The following EYS variants were observed in gnomAD, a reference collection of about 807,000 sequenced individuals.
EYS encodes the protein EGF-like photoreceptor maintenance factor.
A neutral mutation model predicts 282.1 loss-of-function variants in EYS; 250 were observed. The ratio of observed to expected loss-of-function variants is 0.89; its 90% CI spans 0.80 to 0.98. The LOEUF is 0.98. Among genes scored for constraint, EYS ranks in the 50% least tolerant of loss-of-function variants. EYS has a pLI of 0.00. For synonymous variants in EYS, 1,355 were observed against 1,282.9 expected, an observed-to-expected ratio of 1.06 and a Z score of -1.20; for missense variants, 4,016 against 3,709.0, an observed-to-expected ratio of 1.08 and a Z score of -2.15.
At chr6:65,519,813 C>T (rs1767295720) in intron 2 of EYS, among the ~76,000 whole-genome samples, 1 of 142,836 alleles carries the variant, frequency 7.0e-6, no homozygotes, top group African/African-American at 2.6e-5. Flanking sequence ...CCTCCCGCGG[C>T]TTAGGTGATC....
chr6:65,687,780 C>A (rs905964088), intron 1 of EYS, among the ~76,000 whole-genome samples: 1 of 152,114 alleles, frequency 6.6e-6, no homozygotes, highest in Non-Finnish European at 1.5e-5. Context: ...CATTCTTATA[C>A]ACCAATAACA....
At chr6:65,029,788 G>A (rs1007321729) in intron 13 of EYS, among the ~76,000 whole-genome samples, 2 of 152,174 alleles carry the variant, frequency 1.3e-5, no homozygotes, top group African/African-American at 4.8e-5. Flanking sequence ...TTGGAAGAAA[G>A]GAATTCAGAG....
chr6:64,974,477 C>T (rs2150112870), intron 14 of EYS, among the ~76,000 whole-genome samples: 1 of 151,172 alleles, frequency 6.6e-6, no homozygotes, highest in South Asian at 2.1e-4. Flanking sequence ...CAGGAATCTG[C>T]ATTTTTAACC....
intron 2 of EYS, among the ~76,000 whole-genome samples, chr6:65,567,062 G>A (rs1305085478): frequency 1.3e-5 from 2 of 151,844 alleles, no homozygotes; most frequent in African/African-American, 4.8e-5. Flanking sequence ...CCTCATGAAT[G>A]GATTAATGCT....
At chr6:65,345,173 A>G (rs559510194) in intron 9 of EYS, among the ~76,000 whole-genome samples, 8 of 151,938 alleles carry the variant, frequency 5.3e-5, no homozygotes, top group Non-Finnish European at 8.8e-5. Context: ...ACCAAGCACA[A>G]TATCCCAAAT....
intron 29 of EYS, among the ~76,000 whole-genome samples, chr6:64,346,950 C>A (rs1561943461): frequency 6.6e-6 from 1 of 151,362 alleles, no homozygotes; most frequent in African/African-American, 2.4e-5. Context: ...ACTTTTCTAG[C>A]TTTGACTACT....
intron 2 of EYS, among the ~76,000 whole-genome samples, chr6:65,527,409 C>A (rs1338583535): frequency 6.6e-6 from 1 of 152,116 alleles, no homozygotes; most frequent in Non-Finnish European, 1.5e-5. Flanking sequence ...CACAGGACAG[C>A]CCAGTAACAT....
intron 2 of EYS, among the ~76,000 whole-genome samples, chr6:65,618,452 A>G (rs1188592952): frequency 1.3e-5 from 2 of 152,204 alleles, no homozygotes; most frequent in African/African-American, 4.8e-5. Context: ...TCTGGATATT[A>G]GCCCTTTGTC....
At chr6:65,591,887 A>T (rs2127368501) in intron 2 of EYS, among the ~76,000 whole-genome samples, 1 of 152,116 alleles carries the variant, frequency 6.6e-6, no homozygotes, top group Admixed American at 6.6e-5. Context: ...ATCCACCATT[A>T]AGCCATATGC....
At chr6:63,727,889 G>A (rs1225695476) in intron 41 of EYS, among the ~76,000 whole-genome samples, 1 of 148,042 alleles carries the variant, frequency 6.8e-6, no homozygotes, top group Non-Finnish European at 1.5e-5. Context: ...TGGCACCACT[G>A]CACTCCAGCT....
chr6:64,437,858 T>C (rs1047703910), intron 27 of EYS, among the ~76,000 whole-genome samples: 3 of 151,246 alleles, frequency 2.0e-5, no homozygotes, highest in Non-Finnish European at 4.4e-5. Flanking sequence ...CTAAGGGAAT[T>C]TGCCTATTTA....
intron 22 of EYS, among the ~76,000 whole-genome samples, chr6:64,759,121 A>G (rs1302904547): frequency 1.3e-5 from 2 of 150,428 alleles, no homozygotes; most frequent in Non-Finnish European, 3.0e-5. Context: ...CCTGGGCGAC[A>G]GAGCGAGACT....
At chr6:65,028,393 C>T (rs751644974) in intron 13 of EYS, among the ~76,000 whole-genome samples, 6 of 151,604 alleles carry the variant, frequency 4.0e-5, no homozygotes, top group Non-Finnish European at 5.9e-5. Flanking sequence ...ATATTATGAA[C>T]CTTTATCCTT....
rs569397062 is a variant in EYS at position 65,288,611 on chromosome 6, G to A, written c.2023+7252C>T. Among the ~76,000 whole-genome samples, 12 of 151,038 alleles carry A rather than the reference G, an allele frequency of 7.9e-5. No individual in the cohort carries two copies. In the South Asian group the frequency reaches 2.3e-3, roughly 29 times the overall value. On this transcript the variant is annotated intron_variant, in intron 12 of 42. Transcript: ENST00000503581. ...AGAATGGAGAATTCAACACACGAGA[G>A]CTGCTTAAAAAGTTACCATACATAT... is the stretch of plus-strand genomic sequence containing the variant.
intron 26 of EYS, among the ~76,000 whole-genome samples, chr6:64,585,210 C>T (rs930376443): frequency 7.9e-5 from 12 of 151,978 alleles, no homozygotes; most frequent in African/African-American, 2.9e-4. Context: ...AGTGAATTAC[C>T]ACAGGAATAG....
chr6:64,839,289 A>G (rs1196180888), intron 19 of EYS, among the ~76,000 whole-genome samples: 1 of 152,056 alleles, frequency 6.6e-6, no homozygotes, highest in Non-Finnish European at 1.5e-5. Flanking sequence ...TCAATTCCAC[A>G]TATAATTTTT....
chr6:65,256,131 G>T (rs1182412905), intron 12 of EYS, among the ~76,000 whole-genome samples: 1 of 151,874 alleles, frequency 6.6e-6, no homozygotes, highest in Non-Finnish European at 1.5e-5. Flanking sequence ...ATAGAGAAAA[G>T]GTGGCACATA....
chr6:63,773,170 T>C (rs1413997374), intron 40 of EYS, among the ~76,000 whole-genome samples: 1 of 152,226 alleles, frequency 6.6e-6, no homozygotes, highest in Non-Finnish European at 1.5e-5. Context: ...TTTGCTCTAA[T>C]ACATAATAGT....
chr6:65,178,480 G>A (rs1765286412), intron 12 of EYS, among the ~76,000 whole-genome samples: 1 of 151,950 alleles, frequency 6.6e-6, no homozygotes, highest in African/African-American at 2.4e-5. Context: ...TTACATAATG[G>A]TAAAGGGATC....
Sources: allele counts gnomAD v4.1 joint callset (sites outside exome capture counted in the v4.1 genomes callset), GRCh38; gene constraint gnomAD v4.1.1; transcripts MANE v1.5; gene names NCBI Gene and HGNC (gene_info 2026-07-23, HGNC 2026-07-21).